CTNNA2: variants seen among roughly 807,000 people sequenced by gnomAD.
CTNNA2 encodes the protein catenin alpha 2.
A neutral mutation model predicts 101.0 loss-of-function variants in CTNNA2; 42 were observed. The observed-to-expected ratio is 0.42, with a 90% confidence interval of 0.32 to 0.54. The LOEUF is 0.54. CTNNA2 is among the 20% of genes least tolerant of loss of function. The probability of loss-of-function intolerance (pLI) is 0.14; values close to 1 mark genes in which losing one functional copy is unlikely to be tolerated. For synonymous variants in CTNNA2, 450 were observed against 456.4 expected, an observed-to-expected ratio of 0.99 and a Z score of 0.18; for missense variants, 871 against 1,223.1, an observed-to-expected ratio of 0.71 and a Z score of 4.29.
intron 7 of CTNNA2, among the ~76,000 whole-genome samples, chr2:79,959,298 A>G (rs1211875281): frequency 6.6e-6 from 1 of 152,098 alleles, no homozygotes; most frequent in Non-Finnish European, 1.5e-5. Flanking sequence ...TCCCCTATCT[A>G]CTACTCTAGT....
At chr2:80,158,082 G>A (rs551260784) in intron 7 of CTNNA2, among the ~76,000 whole-genome samples, 12 of 152,182 alleles carry the variant, frequency 7.9e-5, no homozygotes, top group African/African-American at 2.2e-4. Flanking sequence ...ACTCAACCTC[G>A]TCACCCTGCA....
At chr2:79,188,503 G>C (rs970815039) in intron 1 of CTNNA2, among the ~76,000 whole-genome samples, 8 of 152,132 alleles carry the variant, frequency 5.3e-5, no homozygotes, top group Admixed American at 5.2e-4. Flanking sequence ...AACCTAATCA[G>C]TTAGAAAAAT....
In CTNNA2 at chr2:79,517,313, A is replaced by G. The variant is rs1041142225; in HGVS notation, c.-6+4106A>G. Among the ~76,000 whole-genome samples, 7 of 152,184 alleles carry G rather than the reference A, an allele frequency of 4.6e-5. 1 individual carries two copies. Among genetic ancestry groups the G allele is most frequent in the Non-Finnish European group, 1.0e-4 (7 of 68,018 alleles). Reference sequence around the variant, plus strand: ...CCACAAGTTTGAAGTATCAGTATTTATCATGCTCATGTTTAACCCATTTTA... The same window carrying G: ...CCACAAGTTTGAAGTATCAGTATTTGTCATGCTCATGTTTAACCCATTTTA... On this transcript the variant is annotated intron_variant, in intron 1 of 18. Transcript: ENST00000402739.
chr2:80,287,116 C>T (rs1370819403), intron 7 of CTNNA2, among the ~76,000 whole-genome samples: 2 of 152,032 alleles, frequency 1.3e-5, no homozygotes, highest in African/African-American at 2.4e-5. Flanking sequence ...AGAGGGAGGA[C>T]CATGGTGAGC....
chr2:80,041,432 G>A (rs865848537), intron 7 of CTNNA2, among the ~76,000 whole-genome samples: 4 of 152,014 alleles, frequency 2.6e-5, no homozygotes, highest in East Asian at 1.9e-4. Context: ...TGTGCTGTTC[G>A]TTAGACTGGG....
At chr2:80,306,450 T>TTCTTTCTTTCTTTCTC (rs1553488063) in intron 7 of CTNNA2, among the ~76,000 whole-genome samples, 9 of 124,918 alleles carry the variant, frequency 7.2e-5, no homozygotes, top group East Asian at 2.6e-4. Context: ...CTTTCTTTCT[T>TTCTTTCTTTCTTTCTC]TCTCTCTCTC....
At chr2:79,483,056 G>A (rs915304256) in intron 4 of CTNNA2, among the ~76,000 whole-genome samples, 2 of 152,198 alleles carry the variant, frequency 1.3e-5, no homozygotes, top group Non-Finnish European at 2.9e-5. Context: ...TTAGCAGCTT[G>A]TAAGACAAAA....
chr2:79,860,778 C>T (rs1368083104), intron 4 of CTNNA2, among the ~76,000 whole-genome samples: 1 of 152,046 alleles, frequency 6.6e-6, no homozygotes, highest in Non-Finnish European at 1.5e-5. Flanking sequence ...GGTGTTTTCT[C>T]TCATGAACTA....
At chr2:80,490,734 A>T (rs980898051) in intron 9 of CTNNA2, among the ~76,000 whole-genome samples, 4 of 152,154 alleles carry the variant, frequency 2.6e-5, no homozygotes, top group Admixed American at 2.0e-4. Flanking sequence ...AAAGGACAGA[A>T]TGTTTTCTCC....
chr2:80,303,562 C>T lies in CTNNA2; in HGVS notation c.1057-89649C>T, dbSNP rs200396240. On this transcript the variant is annotated intron_variant, in intron 7 of 18. Transcript: ENST00000402739. The surrounding 1 kb of genome is among the most constrained non-coding windows in gnomAD (Gnocchi z 7.7). Reference sequence around the variant, plus strand: ...AGAGCCACGTGAGCTGCATTAACCCCGTGAACTGGCCGGCGCGCAGCTCCG... The same window carrying T: ...AGAGCCACGTGAGCTGCATTAACCCTGTGAACTGGCCGGCGCGCAGCTCCG... 9 of 1,614,110 alleles carry T rather than the reference C, an allele frequency of 5.6e-6. No individual in the cohort carries two copies. The highest frequency in any genetic ancestry group is 1.3e-5 in the African/African-American group (1 of 74,938).
chr2:79,970,866 C>T (rs1574439046), intron 7 of CTNNA2, among the ~76,000 whole-genome samples: 1 of 152,114 alleles, frequency 6.6e-6, no homozygotes, highest in African/African-American at 2.4e-5. Context: ...GAAATCACTA[C>T]TCAGAGAGGG....
chr2:80,117,455 A>AGAGTGT (rs143379167), intron 7 of CTNNA2, among the ~76,000 whole-genome samples: 1 of 145,988 alleles, frequency 6.8e-6, no homozygotes, highest in East Asian at 2.1e-4. Flanking sequence ...TTCCTGTGTG[A>AGAGTGT]GTGTGTGTGT....
chr2:80,604,034 A>C, intron 15 of CTNNA2, 40 bp from the exon 16 acceptor site: 1 of 1,566,498 alleles, frequency 6.4e-7, no homozygotes, highest in Non-Finnish European at 8.8e-7. Flanking sequence ...CTTTCCCGTC[A>C]TTAAGTGGAT....
At chr2:79,368,005 T>C (rs1420200598) in intron 3 of CTNNA2, among the ~76,000 whole-genome samples, 2 of 152,208 alleles carry the variant, frequency 1.3e-5, no homozygotes, top group African/African-American at 4.8e-5. Context: ...CTTAGCTCAG[T>C]ACCTGACACA....
chr2:79,415,192 T>C (rs1411381669), intron 4 of CTNNA2, among the ~76,000 whole-genome samples: 1 of 152,130 alleles, frequency 6.6e-6, no homozygotes, highest in African/African-American at 2.4e-5. Flanking sequence ...GAGTGAGTTC[T>C]CTCTGTGAGT....
intron 7 of CTNNA2, among the ~76,000 whole-genome samples, chr2:80,086,234 T>A (rs1038950507): frequency 2.0e-5 from 3 of 152,100 alleles, no homozygotes; most frequent in African/African-American, 7.2e-5. Context: ...CAAGGACAAG[T>A]ATTTCCTAGG....
At position 80,371,781 on chromosome 2, in the gene CTNNA2, C is replaced by A. The variant is rs1317499234; in HGVS notation, c.1057-21430C>A. 2.6e-5 allele frequency among the ~76,000 whole-genome samples: 4 copies of A among 152,072 alleles called. No individual in the cohort carries two copies. In the East Asian group the frequency reaches 5.8e-4, roughly 22 times the overall value. ...TGGAAGGTAAGGTTGGAGAGCAAAC[C>A]TGAAGTCAAATTGCCCAGGACCTTC... On this transcript the variant is annotated intron_variant, in intron 7 of 18. Coordinates refer to ENST00000402739, the MANE Select transcript of CTNNA2 (RefSeq NM_001282597.3).
At chr2:79,486,295 A>G (rs1423178950) in intron 4 of CTNNA2, among the ~76,000 whole-genome samples, 2 of 148,912 alleles carry the variant, frequency 1.3e-5, no homozygotes, top group Non-Finnish European at 3.0e-5. Flanking sequence ...TCATTGTTCA[A>G]TTCCCACCTA....
rs192031144 is a variant in CTNNA2, at chr2:80,176,434, C to T, written c.1057-216777C>T. On this transcript the variant is annotated intron_variant, in intron 7 of 18. Transcript: ENST00000402739. ...TTCATAACAAAATAGAGAGGAAATA[C>T]GACAATTACCATCTTTGTTTCTGCA... Among the ~76,000 whole-genome samples, 70 of 152,298 alleles carry T rather than the reference C, an allele frequency of 4.6e-4. No individual in the cohort carries two copies. In the East Asian group the frequency reaches 9.6e-3, roughly 21 times the overall value.
Sources: gnomAD v4.1 joint callset for allele counts (sites outside exome capture counted in the v4.1 genomes callset) on GRCh38, gnomAD v4.1.1 for gene constraint, Gnocchi (gnomAD v3.1) non-coding constraint, MANE v1.5 for transcripts, NCBI Gene and HGNC (gene_info 2026-07-23, HGNC 2026-07-21) for gene names.